ITGAE: variants seen among roughly 807,000 people sequenced by gnomAD.
The protein encoded by ITGAE is integrin alpha-E.
In ITGAE, 99 loss-of-function variants were observed where a neutral mutation model predicts 136.5. The observed-to-expected ratio is 0.73, with a 90% confidence interval of 0.62 to 0.86. The LOEUF (loss-of-function observed/expected upper bound fraction) is 0.86, where lower values mean the gene tolerates loss of function less well. ITGAE is among the 40% of genes least tolerant of loss of function. ITGAE has a pLI of 0.00. For missense variants in ITGAE, 1,447 were observed against 1,515.3 expected (o/e 0.95, Z 0.75); for synonymous variants, 613 against 591.8 (o/e 1.04, Z -0.52).
intron 1 of ITGAE, among the ~76,000 whole-genome samples, chr17:3,787,318 G>C (rs2052824256): frequency 6.6e-6 from 1 of 152,006 alleles, no homozygotes; most frequent in East Asian, 1.9e-4. Context: ...CCCCATGTTG[G>C]CCAGGCTGGT....
intron 1 of ITGAE, among the ~76,000 whole-genome samples, chr17:3,789,853 AC>A (rs1894876589): frequency 6.6e-6 from 1 of 152,130 alleles, no homozygotes; most frequent in South Asian, 2.1e-4. Flanking sequence ...GGCATGAAAA[AC>A]GTCTTTTTTA....
intron 12 of ITGAE, among the ~76,000 whole-genome samples, 192 bp downstream of exon 12, chr17:3,754,925 G>GC (rs1274654812): frequency 2.3e-5 from 3 of 128,416 alleles, no homozygotes; most frequent in African/African-American, 9.1e-5. Context: ...CACCCAGGTA[G>GC]CCCCCAGGCC....
In ITGAE at chr17:3,728,150, C is replaced by T. The variant is rs1326959925; in HGVS notation, c.2931G>A (p.Val977=). The stretch of plus-strand genomic sequence containing the variant: ...GGTGAGAAAGCCCCTGGCCTGTGTT[C>T]ACGTACATTATGGATGGTCTGCAAT... ...AVLSKPSIMY[V]NTGQGLSHHK... Residue 977 remains valine (V), a synonymous_variant, in exon 25 of 31, where the codon GTG becomes GTA. Transcript: ENST00000263087. 9.3e-6 allele frequency: 15 copies of T among 1,613,064 alleles called. No individual in the cohort carries two copies. Among genetic ancestry groups the T allele is most frequent in the Non-Finnish European group, 1.2e-5 (14 of 1,179,166 alleles).
chr17:3,743,923 G>T (rs1385329215), intron 18 of ITGAE, among the ~76,000 whole-genome samples: 1 of 151,098 alleles, frequency 6.6e-6, no homozygotes, highest in African/African-American at 2.4e-5. Flanking sequence ...GGCTGGTCTC[G>T]AACTCCTGAC....
chr17:3,732,477 A>G lies in ITGAE; in HGVS notation c.2656-11T>C. On this transcript the variant is annotated splice_polypyrimidine_tract_variant and intron_variant, in intron 21 of 30. Transcript: ENST00000263087. The stretch of plus-strand genomic sequence containing the variant: ...GTTTGGAGAGGGAGGCTGTTAAAAG[A>G]GCAGATGACATTCTCTTAAAGAGCC... 1 of 1,605,632 alleles carries G rather than the reference A, an allele frequency of 6.2e-7. No homozygotes were observed. The highest frequency in any genetic ancestry group is 8.5e-7 in the Non-Finnish European group (1 of 1,172,308).
chr17:3,753,941 T>C lies in ITGAE; in HGVS notation c.1385-16A>G. 6.2e-7 allele frequency: 1 copy of C among 1,612,948 alleles called. No homozygotes were observed. The highest frequency in any genetic ancestry group is 8.5e-7 in the Non-Finnish European group (1 of 1,179,456). On this transcript the variant is annotated splice_polypyrimidine_tract_variant and intron_variant, in intron 12 of 30. Transcript: ENST00000263087. ...ACAGCGTAACCTGGGGCAAGGGTGG[T>C]GTGGCTGTGAACACACCGTGTGCTC...
At chr17:3,742,261 C>T (rs766768007) in intron 19 of ITGAE, among the ~76,000 whole-genome samples, 4 of 152,100 alleles carry the variant, frequency 2.6e-5, no homozygotes, top group Admixed American at 6.6e-5. Flanking sequence ...AACTGTAGAA[C>T]GCTATGAATG....
chr17:3,787,840 A>C (rs2052836527), intron 1 of ITGAE, among the ~76,000 whole-genome samples: 1 of 151,954 alleles, frequency 6.6e-6, no homozygotes, highest in African/African-American at 2.4e-5. Flanking sequence ...GATGCCCGCC[A>C]CCACGCCCGG....
chr17:3,786,127 A>G (rs1333938048), intron 1 of ITGAE, among the ~76,000 whole-genome samples: 5 of 149,176 alleles, frequency 3.4e-5, no homozygotes, highest in Non-Finnish European at 5.9e-5. Context: ...AGATCGCGCC[A>G]CTGCACTCCA....
intron 12 of ITGAE, 55 bp from the exon 13 acceptor site, chr17:3,753,980 C>A (rs1472125471): frequency 8.2e-6 from 13 of 1,579,984 alleles, no homozygotes; most frequent in Non-Finnish European, 1.1e-5. Flanking sequence ...CCTGGCCTCT[C>A]TCTTGGCCCC....
intron 29 of ITGAE, 24 bp from the exon 30 acceptor site, chr17:3,716,822 C>T (rs2050952459): frequency 1.5e-6 from 2 of 1,323,128 alleles, no homozygotes; most frequent in South Asian, 2.4e-5. Flanking sequence ...AGAGATCGCC[C>T]AATAAATCAG....
chr17:3,782,288 A>C (rs1269817347), intron 1 of ITGAE, among the ~76,000 whole-genome samples: 7 of 148,578 alleles, frequency 4.7e-5, no homozygotes, highest in Non-Finnish European at 4.5e-5. Flanking sequence ...AAAAAAAAAA[A>C]AAAAAAAAAA....
intron 6 of ITGAE, 119 bp downstream of exon 6, chr17:3,760,894 T>G: frequency 7.0e-7 from 1 of 1,423,784 alleles, no homozygotes; most frequent in Non-Finnish European, 9.3e-7. Context: ...AGGTCAGGTC[T>G]GTAAAGTCCA....
At chr17:3,725,976 T>C (rs888405802) in intron 26 of ITGAE, 2 of 1,613,722 alleles carry the variant, frequency 1.2e-6, no homozygotes, top group Admixed American at 3.3e-5. Flanking sequence ...CAGCTGTGGG[T>C]TGCAAGTGAG....
chr17:3,724,983 C>T (rs1217986347), intron 26 of ITGAE: 1 of 1,614,052 alleles, frequency 6.2e-7, no homozygotes, highest in East Asian at 2.2e-5. Flanking sequence ...GGAAACCTCT[C>T]TCCTCCATTC....
intron 17 of ITGAE, 132 bp from the exon 18 acceptor site, chr17:3,746,059 G>T: frequency 1.3e-6 from 1 of 763,300 alleles, no homozygotes. Flanking sequence ...CCCTGCGGCT[G>T]GACTCCTGCG....
At chr17:3,732,093 A>AAAC (rs1225800265) in intron 22 of ITGAE, among the ~76,000 whole-genome samples, 2 of 67,552 alleles carry the variant, frequency 3.0e-5, no homozygotes, top group South Asian at 6.8e-4. Context: ...AACAAACAAA[A>AAAC]AAACTTTTTG....
chr17:3,754,300 C>G lies in ITGAE; in HGVS notation c.1385-375G>C, dbSNP rs2051947904. Among the ~76,000 whole-genome samples, 3 of 152,116 alleles carry G rather than the reference C, an allele frequency of 2.0e-5. No individual in the cohort carries two copies. The South Asian group carries it at 6.2e-4, about 32-fold the overall frequency. On this transcript the variant is annotated intron_variant, in intron 12 of 30. Transcript: ENST00000263087. ...TATTTATTTATTTTTGAGACAGAGTCTCAGTCTGTCGCCCACGCTGGAGTG... is the reference window on the plus strand; with the variant it reads ...TATTTATTTATTTTTGAGACAGAGTGTCAGTCTGTCGCCCACGCTGGAGTG...
At chr17:3,788,706 A>G (rs868245041) in intron 1 of ITGAE, among the ~76,000 whole-genome samples, 15 of 140,796 alleles carry the variant, frequency 1.1e-4, no homozygotes, top group African/African-American at 3.7e-4. Flanking sequence ...TAAAAATAAT[A>G]ATTATTAAAA....
Sources: gnomAD v4.1 joint callset for allele counts (sites outside exome capture counted in the v4.1 genomes callset) on GRCh38, gnomAD v4.1.1 for gene constraint, MANE v1.5 for transcripts, NCBI Gene and HGNC (gene_info 2026-07-23, HGNC 2026-07-21) for gene names.